PPFIA1: variants seen among roughly 807,000 people sequenced by gnomAD.
The protein encoded by PPFIA1 is liprin-alpha-1.
A neutral mutation model predicts 149.9 loss-of-function variants in PPFIA1; 25 were observed. The observed-to-expected ratio is 0.17, with a 90% confidence interval of 0.12 to 0.23. The LOEUF (loss-of-function observed/expected upper bound fraction) is 0.23, where lower values mean the gene tolerates loss of function less well. Ranked by LOEUF, PPFIA1 falls within the 10% of genes least tolerant of loss-of-function variation. The pLI, the probability that PPFIA1 is intolerant of heterozygous loss-of-function variation, is 1.00. For synonymous variants in PPFIA1, 549 were observed against 552.8 expected (o/e 0.99, Z 0.10); for missense variants, 1,362 against 1,506.5 (o/e 0.90, Z 1.59).
chr11:70,316,851 T>C (rs2053661181), intron 2 of PPFIA1, among the ~76,000 whole-genome samples: 1 of 152,262 alleles, frequency 6.6e-6, no homozygotes, highest in Non-Finnish European at 1.5e-5. Flanking sequence ...ATGTCTGGTC[T>C]ATATAATATG....
intron 2 of PPFIA1, among the ~76,000 whole-genome samples, chr11:70,293,122 G>T (rs1369178135): frequency 1.3e-5 from 2 of 152,222 alleles, no homozygotes; most frequent in African/African-American, 2.4e-5. Flanking sequence ...CACACACACA[G>T]TGATGCATCC....
intron 2 of PPFIA1, among the ~76,000 whole-genome samples, chr11:70,285,513 C>G (rs566166998): frequency 6.6e-6 from 1 of 151,940 alleles, no homozygotes; most frequent in South Asian, 2.1e-4. Context: ...AACCCTGTCT[C>G]TACTAAAAAT....
intron 14 of PPFIA1, among the ~76,000 whole-genome samples, chr11:70,339,688 A>G (rs933262312): frequency 5.3e-5 from 8 of 151,592 alleles, no homozygotes; most frequent in Non-Finnish European, 8.8e-5. Flanking sequence ...TTTAAATACA[A>G]TGATAATCAT....
chr11:70,352,388 G>C (rs1051299279), intron 16 of PPFIA1, among the ~76,000 whole-genome samples: 3 of 152,164 alleles, frequency 2.0e-5, no homozygotes, highest in African/African-American at 7.2e-5. Context: ...GCTGACTTCT[G>C]TTGGATTGTT....
At chr11:70,375,223 GTT>G (rs746047562) in intron 24 of PPFIA1, 130 bp downstream of exon 24, 1,472 of 165,742 alleles carry the variant, frequency 8.9e-3, no homozygotes, top group South Asian at 0.015. Context: ...CTAGTTTTTG[GTT>G]TTTTTTTTTT....
chr11:70,364,052 C>T (rs998121900), intron 21 of PPFIA1, among the ~76,000 whole-genome samples: 6 of 152,290 alleles, frequency 3.9e-5, no homozygotes, highest in Admixed American at 3.9e-4. Flanking sequence ...CTAATCCTCC[C>T]TTCCCCATCA....
intron 2 of PPFIA1, among the ~76,000 whole-genome samples, chr11:70,273,680 C>T (rs184607951): frequency 1.8e-4 from 28 of 152,202 alleles, no homozygotes; most frequent in African/African-American, 6.7e-4. Context: ...AATAATTTGA[C>T]GTTAGCGCTC....
chr11:70,298,334 A>C (rs971950588), intron 2 of PPFIA1, among the ~76,000 whole-genome samples: 1 of 152,212 alleles, frequency 6.6e-6, no homozygotes, highest in Non-Finnish European at 1.5e-5. Flanking sequence ...AAGGTTTTAC[A>C]TCGGAAAGAA....
intron 26 of PPFIA1, among the ~76,000 whole-genome samples, chr11:70,380,411 CA>C (rs1183784440): frequency 0.073 from 8,242 of 112,900 alleles, 688 homozygotes; most frequent in African/African-American, 0.22. Flanking sequence ...ACTAAAAATA[CA>C]AAAAAAAAAA....
chr11:70,315,941 G>T (rs2053597784), intron 2 of PPFIA1, among the ~76,000 whole-genome samples: 1 of 151,896 alleles, frequency 6.6e-6, no homozygotes, highest in South Asian at 2.1e-4. Flanking sequence ...GAGTTTGACT[G>T]CTCTAGAGAC....
At chr11:70,342,659 C>G (rs1018978868) in intron 14 of PPFIA1, among the ~76,000 whole-genome samples, 1 of 152,176 alleles carries the variant, frequency 6.6e-6, no homozygotes, top group Admixed American at 6.5e-5. Flanking sequence ...AACTTGAAAA[C>G]ACTTATGAAA....
intron 20 of PPFIA1, 48 bp downstream of exon 20, chr11:70,362,224 C>T: frequency 6.2e-7 from 1 of 1,612,344 alleles, no homozygotes; most frequent in Non-Finnish European, 8.5e-7. Context: ...AGTATGTGAA[C>T]TTACTGTTCT....
In PPFIA1 at chr11:70,326,527, T is replaced by C; in HGVS notation, c.709-70T>C. ...TAAGTCAGTTTTGATTTTAGCTATT[T>C]CCTGGAAGTATTTTTATTTTATAGC... On this transcript the variant is annotated intron_variant, in intron 6 of 27. Coordinates refer to ENST00000253925, the MANE Select transcript of PPFIA1 (RefSeq NM_003626.5). 2.9e-6 allele frequency: 4 copies of C among 1,388,930 alleles called. No homozygotes were observed. In the South Asian group the frequency reaches 5.1e-5, roughly 18 times the overall value. 86.0% of individuals were successfully genotyped at this position (1,388,930 alleles called of 1,614,324 possible).
intron 2 of PPFIA1, among the ~76,000 whole-genome samples, chr11:70,299,644 A>G (rs1473127412): frequency 6.6e-6 from 1 of 152,132 alleles, no homozygotes; most frequent in Non-Finnish European, 1.5e-5. Flanking sequence ...CTCTCCTGCC[A>G]GAACTGTGCT....
intron 4 of PPFIA1, among the ~76,000 whole-genome samples, chr11:70,325,284 G>A (rs2054194066): frequency 6.6e-6 from 1 of 151,896 alleles, no homozygotes; most frequent in Non-Finnish European, 1.5e-5. Context: ...GCAACAACCT[G>A]ATATTTCGGG....
Position 70,375,007 on chromosome 11 carries a change from G to A in PPFIA1, c.3229G>A (p.Val1077Ile). Residue 1077 changes from valine to isoleucine, a missense_variant, in exon 24 of 28, where the codon GTT becomes ATT. Val to Ile is a conservative substitution (Grantham distance 29). This residue lies in a region of PPFIA1 where 349 missense variants were observed against 373.3 expected (regional missense o/e 0.93). Transcript: ENST00000253925. ...TGCAAACAATCTTATAGAGAGTGGT[G>A]TTCACGGAGCACTTCTGGCCTTAGA... ...EYANNLIESGVHGALLALDET... is the reference protein window; with the variant it reads ...EYANNLIESGIHGALLALDET... 1 of 1,613,844 alleles carries A rather than the reference G, an allele frequency of 6.2e-7. No individual in the cohort carries two copies. The highest frequency in any genetic ancestry group is 8.5e-7 in the Non-Finnish European group (1 of 1,179,950).
chr11:70,291,185 C>T (rs901546186), intron 2 of PPFIA1, among the ~76,000 whole-genome samples: 3 of 152,150 alleles, frequency 2.0e-5, no homozygotes, highest in Middle Eastern at 3.2e-3. Context: ...CACGCCCAGC[C>T]GATCTCTTGA....
intron 26 of PPFIA1, among the ~76,000 whole-genome samples, chr11:70,380,205 C>T (rs1418610796): frequency 6.7e-6 from 1 of 149,206 alleles, no homozygotes; most frequent in Non-Finnish European, 1.5e-5. Flanking sequence ...GTCAGGAGTT[C>T]GAGACCAGCC....
intron 27 of PPFIA1, among the ~76,000 whole-genome samples, chr11:70,382,724 C>T (rs908985286): frequency 3.9e-5 from 6 of 152,156 alleles, no homozygotes; most frequent in East Asian, 1.9e-4. Flanking sequence ...TTAAGGTCTC[C>T]GTTGGAATAT....
Sources: gnomAD v4.1 joint callset for allele counts (sites outside exome capture counted in the v4.1 genomes callset) on GRCh38, gnomAD v4.1.1 for gene constraint, gnomAD v4.1.1 regional missense constraint, MANE v1.5 for transcripts, NCBI Gene and HGNC (gene_info 2026-07-23, HGNC 2026-07-21) for gene names.